MAP1B: variants seen among roughly 807,000 people sequenced by gnomAD.
MAP1B encodes the protein microtubule associated protein 1B, also known as microtubule-associated protein 1B.
In MAP1B, 12 loss-of-function variants were observed where a neutral mutation model predicts 176.1. The ratio of observed to expected loss-of-function variants is 0.07; its 90% CI spans 0.04 to 0.11. The LOEUF (loss-of-function observed/expected upper bound fraction) is 0.11, where lower values mean the gene tolerates loss of function less well. Ranked by LOEUF, MAP1B falls within the 10% of genes least tolerant of loss-of-function variation. The probability of loss-of-function intolerance (pLI) is 1.00; values close to 1 mark genes in which losing one functional copy is unlikely to be tolerated. For missense variants in MAP1B, 2,523 were observed against 2,990.5 expected, an observed-to-expected ratio of 0.84 and a Z score of 3.65; for synonymous variants, 1,044 against 1,135.0, an observed-to-expected ratio of 0.92 and a Z score of 1.61.
chr5:72,196,211 G>T lies in MAP1B; in HGVS notation c.2856G>T (p.Glu952Asp), dbSNP rs1294192829. The T allele has an allele frequency of 6.2e-7, 1 of 1,613,602 alleles. No homozygotes were observed. The highest frequency in any genetic ancestry group is 8.5e-7 in the Non-Finnish European group (1 of 1,180,018). Residue 952 changes from glutamate (E) to aspartate (D), a missense_variant, in exon 5 of 7, where the codon GAG (glutamate) becomes GAT (aspartate). Physicochemically the swap from Glu to Asp is conservative, Grantham distance 45. This residue lies in a region of MAP1B where 1,925 missense variants were observed against 2,126.0 expected (regional missense o/e 0.91). Transcript: ENST00000296755. This position sits in a 1 kb window ranked among gnomAD's most constrained non-coding sequence, Gnocchi z 5.3. ...YEEKAETEEA[E>D]EPEEDGEEHV... ...AGAAGGCAGAAACTGAGGAGGCTGA[G>T]GAGCCAGAAGAGGATGGGGAGGAAC...
chr5:72,163,914 CTCTTTTTTTTTTTT>C (rs1448389820), intron 2 of MAP1B, among the ~76,000 whole-genome samples: 7 of 74,456 alleles, frequency 9.4e-5, no homozygotes, highest in African/African-American at 3.6e-4. Flanking sequence ...TTCTCTCTCT[CTCTTTTTTTTTTTT>C]TCTTTTTTTT....
intron 2 of MAP1B, among the ~76,000 whole-genome samples, chr5:72,171,385 T>A (rs530796657): frequency 6.6e-6 from 1 of 151,884 alleles, no homozygotes; most frequent in East Asian, 2.0e-4. Context: ...CCCAAGAGTT[T>A]GAGACCAGCC....
rs144489679 is a variant in MAP1B at position 72,139,868 on chromosome 5, C to T, written c.286+24069C>T. Among the ~76,000 whole-genome samples, 25 of 152,268 alleles carry T rather than the reference C, an allele frequency of 1.6e-4. No homozygotes were observed. The East Asian group carries it at 4.6e-3, about 28-fold the overall frequency. ...AGAGGCAGCAGATCTTTATCCTGTA[C>T]ACCTGATACATAAGAAAAGCCCAGT... On this transcript the variant is annotated intron_variant, in intron 2 of 6. Coordinates refer to ENST00000296755, the MANE Select transcript of MAP1B (RefSeq NM_005909.5).
At chr5:72,107,835 C>T in intron 1 of MAP1B, 120 bp downstream of exon 1, 1 of 997,606 alleles carries the variant, frequency 1.0e-6, no homozygotes, top group Non-Finnish European at 1.5e-6. Context: ...CTCCTCGTCA[C>T]CTCTCATACT....
intron 2 of MAP1B, among the ~76,000 whole-genome samples, chr5:72,156,739 C>A (rs936107040): frequency 6.6e-6 from 1 of 152,178 alleles, no homozygotes; most frequent in Non-Finnish European, 1.5e-5. Context: ...TCTTCTGGTT[C>A]CAGCTTCTGT....
intron 2 of MAP1B, chr5:72,116,526 A>C: frequency 2.9e-6 from 1 of 348,108 alleles, no homozygotes; most frequent in Non-Finnish European, 5.4e-6. Context: ...CTATGATCTG[A>C]CCCATGCCTC....
At chr5:72,111,576 G>A (rs1745341751) in intron 1 of MAP1B, among the ~76,000 whole-genome samples, 1 of 152,156 alleles carries the variant, frequency 6.6e-6, no homozygotes, top group South Asian at 2.1e-4. Context: ...AATACCATAT[G>A]TGGTGAGAAT....
chr5:72,172,590 C>T (rs1304240513), intron 2 of MAP1B, among the ~76,000 whole-genome samples: 1 of 152,110 alleles, frequency 6.6e-6, no homozygotes, highest in Non-Finnish European at 1.5e-5. Flanking sequence ...TGATCAATGG[C>T]AGTAGTTTGA....
At chr5:72,173,324 G>C (rs1007363934) in intron 2 of MAP1B, among the ~76,000 whole-genome samples, 2 of 152,178 alleles carry the variant, frequency 1.3e-5, no homozygotes, top group African/African-American at 4.8e-5. Flanking sequence ...ATTTCTTCAG[G>C]ATAGGGGTAG....
intron 2 of MAP1B, among the ~76,000 whole-genome samples, chr5:72,128,090 A>G (rs1481003846): frequency 6.6e-6 from 1 of 152,220 alleles, no homozygotes; most frequent in African/African-American, 2.4e-5. Context: ...GCATTCAGGC[A>G]AGATGAGTGC....
At chr5:72,200,427 C>A (rs1319927099) in intron 5 of MAP1B, 60 bp downstream of exon 5, 10 of 1,554,770 alleles carry the variant, frequency 6.4e-6, no homozygotes, top group African/African-American at 2.7e-5. Context: ...GCGTTTACAG[C>A]CTTTATATTT....
At chr5:72,150,282 A>G (rs1194249075) in intron 2 of MAP1B, among the ~76,000 whole-genome samples, 1 of 152,220 alleles carries the variant, frequency 6.6e-6, no homozygotes, top group Non-Finnish European at 1.5e-5. Context: ...TATTACTCAG[A>G]AAACCTAATT....
rs537958917 is a variant in MAP1B, at chr5:72,138,146, T to C, written c.286+22347T>C. ...TTATGATATAAAGAGTTCTTACAAA[T>C]AAATAAGTAAAACTTTAACATTTCA... On this transcript the variant is annotated intron_variant, in intron 2 of 6. Coordinates refer to ENST00000296755, the MANE Select transcript of MAP1B (RefSeq NM_005909.5). Among the ~76,000 whole-genome samples the C allele has an allele frequency of 7.2e-5, 11 of 152,256 alleles. No homozygotes were observed. In the East Asian group the frequency reaches 2.1e-3, roughly 29 times the overall value.
chr5:72,201,296 C>G (rs1328486793), intron 5 of MAP1B, among the ~76,000 whole-genome samples: 1 of 151,584 alleles, frequency 6.6e-6, no homozygotes, highest in Non-Finnish European at 1.5e-5. Flanking sequence ...CACTTCAGCC[C>G]AAGAGATCAA....
Position 72,195,952 on chromosome 5 carries a change from A to C in MAP1B, c.2597A>C (p.Lys866Thr). The C allele has an allele frequency of 6.2e-7, 1 of 1,614,226 alleles. No individual in the cohort carries two copies. The change falls in exon 5 of 7, where the codon AAA becomes ACA. Residue 866 changes from lysine to threonine, a missense_variant. Lys to Thr is a moderately conservative substitution (Grantham distance 78). Transcript: ENST00000296755. ...CTGGAGCTAATCGAAGACGAAGAGAAACTGAAGGAAACTGAGCCAGTCGAA... is the reference window on the plus strand; with the variant it reads ...CTGGAGCTAATCGAAGACGAAGAGACACTGAAGGAAACTGAGCCAGTCGAA... ...PQLELIEDEE[K>T]LKETEPVEAY...
chr5:72,169,255 C>A (rs1746488772), intron 2 of MAP1B, among the ~76,000 whole-genome samples: 1 of 152,178 alleles, frequency 6.6e-6, no homozygotes, highest in Non-Finnish European at 1.5e-5. Flanking sequence ...CAACTCCTGA[C>A]ACTTTGGGGC....
chr5:72,162,563 C>A (rs1046400016), intron 2 of MAP1B, among the ~76,000 whole-genome samples: 2 of 152,058 alleles, frequency 1.3e-5, no homozygotes, highest in Non-Finnish European at 2.9e-5. Flanking sequence ...TTACAGGTAT[C>A]ATTTTATGTT....
intron 2 of MAP1B, among the ~76,000 whole-genome samples, chr5:72,166,740 AG>A (rs1371373518): frequency 6.6e-6 from 1 of 152,224 alleles, no homozygotes; most frequent in Non-Finnish European, 1.5e-5. Context: ...AGCCCCAGGC[AG>A]CAGTAGCTGG....
chr5:72,195,882 T>C lies in MAP1B; in HGVS notation c.2527T>C (p.Leu843=). The part of the protein sequence containing the change: ...PEDLTKDFEE[L]KAEEVDVTKD... ...GGATCTAACCAAGGACTTTGAAGAG[T>C]TAAAGGCTGAAGAGGTCGATGTAAC... The change falls in exon 5 of 7, where the codon TTA becomes CTA. Residue 843 remains leucine, a synonymous_variant. Coordinates refer to ENST00000296755, the MANE Select transcript of MAP1B (RefSeq NM_005909.5). 1 of 1,614,004 alleles carries C rather than the reference T, an allele frequency of 6.2e-7. No individual in the cohort carries two copies. The highest frequency in any genetic ancestry group is 1.1e-5 in the South Asian group (1 of 91,054).
Sources: allele counts gnomAD v4.1 joint callset (sites outside exome capture counted in the v4.1 genomes callset), GRCh38; gene constraint gnomAD v4.1.1; regional missense constraint gnomAD v4.1.1; non-coding constraint Gnocchi (gnomAD v3.1); transcripts MANE v1.5; gene names NCBI Gene and HGNC (gene_info 2026-07-23, HGNC 2026-07-21).